PAFAH1B2: variants seen among roughly 807,000 people sequenced by gnomAD.
The protein encoded by PAFAH1B2 is platelet activating factor acetylhydrolase 1b catalytic subunit 2, also known as platelet-activating factor acetylhydrolase IB subunit alpha2.
A neutral mutation model predicts 28.0 loss-of-function variants in PAFAH1B2; 8 were observed. That is an observed-to-expected ratio of 0.29 (90% CI 0.17 to 0.52). The LOEUF (loss-of-function observed/expected upper bound fraction) is 0.52. Among genes scored for constraint, PAFAH1B2 ranks in the 20% least tolerant of loss-of-function variants. The pLI, the probability that PAFAH1B2 is intolerant of heterozygous loss-of-function variation, is 0.97. For synonymous variants in PAFAH1B2, 104 were observed against 103.2 expected (o/e 1.01, Z -0.05); for missense variants, 190 against 282.6 (o/e 0.67, Z 2.35).
intron 5 of PAFAH1B2, among the ~76,000 whole-genome samples, chr11:117,165,040 C>T (rs1328943218): frequency 1.4e-5 from 2 of 146,260 alleles, no homozygotes; most frequent in African/African-American, 2.5e-5. Context: ...ACTGCAAGCT[C>T]GGCCTCCCAG....
chr11:117,149,941 A>G (rs1565261016), intron 1 of PAFAH1B2, among the ~76,000 whole-genome samples: 1 of 152,060 alleles, frequency 6.6e-6, no homozygotes, highest in Non-Finnish European at 1.5e-5. Context: ...AAAGAAAAAT[A>G]GAAAAGTTAG....
intron 2 of PAFAH1B2, among the ~76,000 whole-genome samples, chr11:117,158,153 A>G (rs899415809): frequency 6.6e-6 from 1 of 152,176 alleles, no homozygotes; most frequent in Non-Finnish European, 1.5e-5. Context: ...AGTAAAATAA[A>G]AAGTTTAAAC....
At chr11:117,175,632 A>G, downstream of PAFAH1B2, 1 of 1,240,942 alleles carries the variant, frequency 8.1e-7, no homozygotes, top group Non-Finnish European at 1.0e-6. Context: ...AGTGGTTCTC[A>G]AACTTCATTG....
At chr11:117,147,555 G>T (rs554866443) in intron 1 of PAFAH1B2, among the ~76,000 whole-genome samples, 2 of 152,294 alleles carry the variant, frequency 1.3e-5, no homozygotes, top group African/African-American at 4.8e-5. Context: ...AGTCTTCTAG[G>T]TTGTGCATTT....
chr11:117,175,665 C>T (rs2134239625), downstream of PAFAH1B2: 1 of 1,301,006 alleles, frequency 7.7e-7, no homozygotes, highest in South Asian at 2.0e-5. Flanking sequence ...TTCTGGAGTG[C>T]CCCGTTAAAT....
downstream of PAFAH1B2, chr11:117,175,806 C>A: frequency 4.1e-6 from 5 of 1,221,666 alleles, no homozygotes; most frequent in Non-Finnish European, 5.7e-6. Context: ...GTGGTGCTTG[C>A]CTGTAATCCA....
rs1283516106 is a variant in PAFAH1B2, at chr11:117,169,478, T to G, written c.*1779T>G. The G allele has an allele frequency of 9.8e-7, 1 of 1,018,624 alleles. No homozygotes were observed. The highest frequency in any genetic ancestry group is 1.7e-5 in the African/African-American group (1 of 58,488). The allele number at this position is 1,018,624 out of a possible 1,614,324, so 63.1% of individuals were successfully genotyped here. A position where few individuals can be genotyped will look rare whatever the true frequency, so the allele number is the denominator to read the frequency against. On this transcript the variant is annotated 3_prime_UTR_variant, in exon 6 of 6. Coordinates refer to ENST00000527958, the MANE Select transcript of PAFAH1B2 (RefSeq NM_002572.4). ...GTACTTGAAAGGCAAATTTCAGTGCTTTTGTATGTTGGAGGAGGGCTTACT... is the reference window on the plus strand; with the variant it reads ...GTACTTGAAAGGCAAATTTCAGTGCGTTTGTATGTTGGAGGAGGGCTTACT...
rs1384933731 is a variant in PAFAH1B2, at chr11:117,166,482, A to G, written c.412-939A>G. On this transcript the variant is annotated intron_variant, in intron 5 of 5. Transcript: ENST00000527958. ...ATAGTAGTATCATGGAAATGATTGT[A>G]TAAGTCATTGAATATGATAGCAGTA... Among the ~76,000 whole-genome samples, 3 of 152,362 alleles carry G rather than the reference A, an allele frequency of 2.0e-5. 1 individual carries two copies. Among genetic ancestry groups the G allele is most frequent in the South Asian group, 4.1e-4 (2 of 4,830 alleles).
Position 117,170,662 on chromosome 11 carries a change from ATTTT to A in PAFAH1B2, c.*2964_*2967del. On this transcript the variant is annotated 3_prime_UTR_variant, in exon 6 of 6. Coordinates refer to ENST00000527958, the MANE Select transcript of PAFAH1B2 (RefSeq NM_002572.4). ...AAAAAAAAAAAGTCCAACTTACTTT[ATTTT>A]ATTTTTTTAACCTAGTCACTGTTTA... The A allele has an allele frequency of 9.8e-7, 1 of 1,020,346 alleles. No homozygotes were observed. The allele number at this position is 1,020,346 out of a possible 1,614,324, so 63.2% of individuals were successfully genotyped here. A position where few individuals can be genotyped will look rare whatever the true frequency, so the allele number is the denominator to read the frequency against.
chr11:117,149,033 ATTTTTTTTTT>A (rs71037462), intron 1 of PAFAH1B2, among the ~76,000 whole-genome samples: 1 of 118,614 alleles, frequency 8.4e-6, no homozygotes, highest in Non-Finnish European at 1.7e-5. Context: ...ACACCTGCCA[ATTTTTTTTTT>A]TTTTTTTTTT....
chr11:117,161,243 G>A lies in PAFAH1B2; in HGVS notation c.270G>A (p.Leu90=). 1 of 1,564,904 alleles carries A rather than the reference G, an allele frequency of 6.4e-7. No individual in the cohort carries two copies. The highest frequency in any genetic ancestry group is 8.6e-7 in the Non-Finnish European group (1 of 1,156,224). ...HVLWRLKNGE[L]ENIKPKVIVV... is the part of the protein sequence containing the mutation. ...TGTGGAGACTAAAGAATGGAGAACT[G>A]GAGAATATTAAGCCTAAGGTGAAAT... Residue 90 remains leucine, a synonymous_variant, in exon 4 of 6, where the codon CTG becomes CTA. Transcript: ENST00000527958.
chr11:117,170,813 C>G lies in PAFAH1B2; in HGVS notation c.*3114C>G. The G allele has an allele frequency of 9.4e-7, 1 of 1,060,188 alleles. No individual in the cohort carries two copies. The highest frequency in any genetic ancestry group is 1.1e-6 in the Non-Finnish European group (1 of 876,156). The allele number at this position is 1,060,188 out of a possible 1,614,324, so 65.7% of individuals were successfully genotyped here. A position where few individuals can be genotyped will look rare whatever the true frequency, so the allele number is the denominator to read the frequency against. ...TGGAAATGAGGAGCATGTCCAAGCT[C>G]CTAAATCCGTGTGGGTGCATGTGGG... On this transcript the variant is annotated 3_prime_UTR_variant, in exon 6 of 6. Transcript: ENST00000527958.
At chr11:117,172,183 T>C (rs7120449), downstream of PAFAH1B2, among the ~76,000 whole-genome samples, 113,822 of 151,666 alleles carry the variant, frequency 0.75, 43,382 homozygotes, top group Non-Finnish European at 0.82. Flanking sequence ...CATGAGAATC[T>C]GTCCCCTAAT....
chr11:117,170,113 C>G lies in PAFAH1B2; in HGVS notation c.*2414C>G. The G allele has an allele frequency of 2.8e-6, 3 of 1,055,024 alleles. No individual in the cohort carries two copies. Among genetic ancestry groups the G allele is most frequent in the Non-Finnish European group, 3.4e-6 (3 of 872,968 alleles). 65.4% of individuals were successfully genotyped at this position (1,055,024 alleles called of 1,614,324 possible). On this transcript the variant is annotated 3_prime_UTR_variant, in exon 6 of 6. Transcript: ENST00000527958. ...TTTCATTTTTTGCCAGATTTCTTTG[C>G]ACTACTTTAGGTAAAAATAGTTAAT...
downstream of PAFAH1B2, chr11:117,174,889 A>G (rs1174048071): frequency 6.6e-7 from 1 of 1,520,330 alleles, no homozygotes. Flanking sequence ...TGCTGGGATT[A>G]CAGGCGTGAG....
In PAFAH1B2 at chr11:117,167,468, C is replaced by T. The variant is rs549044312; in HGVS notation, c.459C>T (p.Asn153=). The T allele has an allele frequency of 5.2e-5, 83 of 1,603,646 alleles. No individual in the cohort carries two copies. The highest frequency in any genetic ancestry group is 4.0e-4 in the South Asian group (36 of 89,152). ...GEKPNPLRQK[N]AKVNQLLKVS... ...AACCCAATCCTTTGAGGCAAAAGAA[C>T]GCCAAGGTGAACCAACTCCTCAAGG... Residue 153 remains asparagine (N), a synonymous_variant, in exon 6 of 6, where the codon AAC becomes AAT. Coordinates refer to ENST00000527958, the MANE Select transcript of PAFAH1B2 (RefSeq NM_002572.4).
At chr11:117,175,314 T>G, downstream of PAFAH1B2, 1 of 1,070,468 alleles carries the variant, frequency 9.3e-7, no homozygotes, top group Non-Finnish European at 1.1e-6. Context: ...TTTTGCTGAC[T>G]GCTGCAGCCA....
At chr11:117,150,294 G>T (rs901266769) in intron 1 of PAFAH1B2, among the ~76,000 whole-genome samples, 3 of 152,046 alleles carry the variant, frequency 2.0e-5, no homozygotes, top group South Asian at 4.1e-4. Context: ...GCTTACAGGC[G>T]TGTTCCACCA....
chr11:117,165,571 T>C (rs1003041232), intron 5 of PAFAH1B2, among the ~76,000 whole-genome samples: 2 of 152,150 alleles, frequency 1.3e-5, no homozygotes, highest in African/African-American at 4.8e-5. Context: ...CACAGTCTAG[T>C]GTATGGAGAC....
Sources: allele counts gnomAD v4.1 joint callset (sites outside exome capture counted in the v4.1 genomes callset), GRCh38; gene constraint gnomAD v4.1.1; transcripts MANE v1.5; gene names NCBI Gene and HGNC (gene_info 2026-07-23, HGNC 2026-07-21).